Variants in FRMD5 observed in about 807,000 individuals in gnomAD.
FRMD5 encodes FERM domain-containing protein 5.
In FRMD5, 20 loss-of-function variants were observed where a neutral mutation model predicts 69.0. The observed-to-expected ratio is 0.29, with a 90% CI of 0.20 to 0.42. The LOEUF is 0.42. Ranked by LOEUF, FRMD5 falls within the 10% of genes least tolerant of loss-of-function variation. The pLI, the probability that FRMD5 is intolerant of heterozygous loss-of-function variation, is 1.00. For missense variants in FRMD5, 595 were observed against 708.6 expected, an observed-to-expected ratio of 0.84 and a Z score of 1.82; for synonymous variants, 271 against 260.1, an observed-to-expected ratio of 1.04 and a Z score of -0.40.
intron 1 of FRMD5, among the ~76,000 whole-genome samples, chr15:43,930,176 G>A (rs866549091): frequency 2.6e-5 from 4 of 152,268 alleles, no homozygotes; most frequent in African/African-American, 7.2e-5. Context: ...CTGAGCTCTT[G>A]GCCCAGGAGC....
Position 43,873,906 on chromosome 15 carries a change from C to G in FRMD5, c.1692G>C (p.Val564=), listed in dbSNP as rs778424625. The G allele has an allele frequency of 1.9e-6, 3 of 1,614,066 alleles. No individual in the cohort carries two copies. In the South Asian group the frequency reaches 3.3e-5, roughly 18 times the overall value. ...RWFACKIRSV[V]SLLIDT Reference sequence around the variant, plus strand: ...CTTCTCAGGTGTCAATGAGCAGGCTCACCACTGAGCGGATTTTGCAGGCAA... The same window carrying G: ...CTTCTCAGGTGTCAATGAGCAGGCTGACCACTGAGCGGATTTTGCAGGCAA... Residue 564 remains valine (V), a synonymous_variant, in exon 14 of 14, where the codon GTG becomes GTC. Transcript: ENST00000417257.
chr15:44,096,402 TC>T (rs2076553850), intron 1 of FRMD5, among the ~76,000 whole-genome samples: 1 of 146,102 alleles, frequency 6.8e-6, no homozygotes, highest in Non-Finnish European at 1.5e-5. Flanking sequence ...GTACGGTGTA[TC>T]TTTTTTTTTT....
chr15:43,901,926 G>T, intron 7 of FRMD5: 1 of 468,938 alleles, frequency 2.1e-6, no homozygotes, highest in Non-Finnish European at 3.8e-6. Flanking sequence ...CCCATTGCGG[G>T]GCCCTAGCTT....
At chr15:44,162,214 T>C (rs2077627570) in intron 1 of FRMD5, among the ~76,000 whole-genome samples, 1 of 150,846 alleles carries the variant, frequency 6.6e-6, no homozygotes, top group African/African-American at 2.4e-5. Flanking sequence ...TCCACTCGCC[T>C]CAGCCTCCCA....
intron 1 of FRMD5, among the ~76,000 whole-genome samples, chr15:43,967,980 A>G (rs1217569525): frequency 1.3e-5 from 2 of 150,048 alleles, no homozygotes; most frequent in Non-Finnish European, 3.0e-5. Flanking sequence ...ATGTGTTTTC[A>G]TTGTTCAACT....
intron 1 of FRMD5, among the ~76,000 whole-genome samples, chr15:44,051,472 A>ACTT (rs1892664953): frequency 6.6e-6 from 1 of 151,822 alleles, no homozygotes; most frequent in Admixed American, 6.6e-5. Flanking sequence ...CATAGTACAG[A>ACTT]CTTCCAATAT....
chr15:44,101,104 G>A (rs563699304), intron 1 of FRMD5, among the ~76,000 whole-genome samples: 65 of 150,848 alleles, frequency 4.3e-4, no homozygotes, highest in African/African-American at 1.5e-3. Context: ...AGCCGAGATC[G>A]CGCCACTGCA....
At chr15:44,022,657 A>G (rs1013639504) in intron 1 of FRMD5, among the ~76,000 whole-genome samples, 26 of 152,010 alleles carry the variant, frequency 1.7e-4, no homozygotes, top group Non-Finnish European at 1.9e-4. Context: ...TTTAAAAGAA[A>G]AAAAGCTCAT....
chr15:43,929,374 G>C (rs942156024), intron 1 of FRMD5, among the ~76,000 whole-genome samples: 1 of 152,220 alleles, frequency 6.6e-6, no homozygotes, highest in Non-Finnish European at 1.5e-5. Context: ...GCAGCATCCT[G>C]ATGAGAGAAG....
At chr15:44,066,560 C>T (rs1447676980) in intron 1 of FRMD5, among the ~76,000 whole-genome samples, 1 of 152,000 alleles carries the variant, frequency 6.6e-6, no homozygotes, top group Non-Finnish European at 1.5e-5. Context: ...GGGGTGTTCA[C>T]GGAAAAATGA....
intron 1 of FRMD5, among the ~76,000 whole-genome samples, chr15:44,143,674 C>T (rs962934862): frequency 1.3e-5 from 2 of 150,898 alleles, no homozygotes; most frequent in Admixed American, 6.6e-5. Flanking sequence ...GCCTGTAATC[C>T]CAGGACTTTG....
chr15:44,061,604 T>G (rs1893089919), intron 1 of FRMD5, among the ~76,000 whole-genome samples: 1 of 152,238 alleles, frequency 6.6e-6, no homozygotes, highest in African/African-American at 2.4e-5. Flanking sequence ...CCAGTCCAAT[T>G]TACCTGCTGC....
intron 1 of FRMD5, among the ~76,000 whole-genome samples, chr15:44,019,146 G>A (rs992819221): frequency 1.3e-5 from 2 of 151,978 alleles, no homozygotes; most frequent in Non-Finnish European, 2.9e-5. Flanking sequence ...CACCCACTTC[G>A]GCCTCCAAAA....
intron 1 of FRMD5, among the ~76,000 whole-genome samples, chr15:44,042,347 G>A (rs1297590414): frequency 6.6e-6 from 1 of 152,092 alleles, no homozygotes; most frequent in African/African-American, 2.4e-5. Flanking sequence ...TCTACCAGAG[G>A]TACAAAGAAG....
chr15:43,890,274 CTAT>C (rs2088764317), intron 8 of FRMD5, among the ~76,000 whole-genome samples: 1 of 152,128 alleles, frequency 6.6e-6, no homozygotes, highest in Admixed American at 6.5e-5. Flanking sequence ...GGGTTTACAT[CTAT>C]TATTACAGAG....
At chr15:44,168,740 A>G (rs2077751407) in intron 1 of FRMD5, among the ~76,000 whole-genome samples, 1 of 152,208 alleles carries the variant, frequency 6.6e-6, no homozygotes, top group Non-Finnish European at 1.5e-5. Context: ...AATATCCCCA[A>G]CGTACTTCAT....
At chr15:43,879,532 G>C (rs945792169) in intron 13 of FRMD5, 3 of 399,040 alleles carry the variant, frequency 7.5e-6, no homozygotes, top group Middle Eastern at 6.3e-4. Flanking sequence ...CCTTGCCCGG[G>C]GGTCACAGCA....
intron 1 of FRMD5, among the ~76,000 whole-genome samples, chr15:44,148,671 GC>G (rs2077395961): frequency 6.6e-6 from 1 of 152,056 alleles, no homozygotes; most frequent in African/African-American, 2.4e-5. Context: ...CTCTGTGTAA[GC>G]ATTTTTAGCA....
At chr15:43,987,512 G>T (rs915304644) in intron 1 of FRMD5, among the ~76,000 whole-genome samples, 1 of 152,130 alleles carries the variant, frequency 6.6e-6, no homozygotes, top group South Asian at 2.1e-4. Flanking sequence ...GTTTCGGGAT[G>T]ATTCCAGCAC....
Sources: allele counts gnomAD v4.1 joint callset (sites outside exome capture counted in the v4.1 genomes callset), GRCh38; gene constraint gnomAD v4.1.1; transcripts MANE v1.5; gene names NCBI Gene and HGNC (gene_info 2026-07-23, HGNC 2026-07-21).